The following EYS variants were observed in gnomAD, a reference collection of about 807,000 sequenced individuals.
EYS encodes the protein protein eyes shut homolog.
Under a neutral mutation model 282.1 loss-of-function variants are expected in EYS, and 250 were observed. The observed-to-expected ratio is 0.89, with a 90% CI of 0.80 to 0.98. The LOEUF is 0.98. EYS is among the 50% of genes least tolerant of loss of function. The pLI, the probability that EYS is intolerant of heterozygous loss-of-function variation, is 0.00. For missense variants in EYS, 4,016 were observed against 3,709.0 expected, an observed-to-expected ratio of 1.08 and a Z score of -2.15; for synonymous variants, 1,355 against 1,282.9, an observed-to-expected ratio of 1.06 and a Z score of -1.20.
intron 22 of EYS, among the ~76,000 whole-genome samples, chr6:64,725,948 C>G (rs1488152686): frequency 6.6e-6 from 1 of 152,132 alleles, no homozygotes; most frequent in Non-Finnish European, 1.5e-5. Flanking sequence ...AAACCCAAAA[C>G]CTTTATCACT....
chr6:64,554,226 C>T (rs1009030331), intron 26 of EYS, among the ~76,000 whole-genome samples: 4 of 151,992 alleles, frequency 2.6e-5, no homozygotes, highest in African/African-American at 9.7e-5. Flanking sequence ...AAACAACACC[C>T]TACTTATGAA....
At chr6:65,518,609 C>G (rs1291617192) in intron 2 of EYS, among the ~76,000 whole-genome samples, 1 of 151,974 alleles carries the variant, frequency 6.6e-6, no homozygotes, top group Non-Finnish European at 1.5e-5. Context: ...AGAATATAAA[C>G]CCCATGAGGG....
At chr6:65,145,919 C>A (rs61680343) in intron 12 of EYS, among the ~76,000 whole-genome samples, 1 of 151,462 alleles carries the variant, frequency 6.6e-6, no homozygotes, top group Non-Finnish European at 1.5e-5. Context: ...GTTTAAAAAA[C>A]GTTTTTACAT....
At chr6:65,513,081 G>C (rs541606116) in intron 2 of EYS, among the ~76,000 whole-genome samples, 5 of 152,176 alleles carry the variant, frequency 3.3e-5, no homozygotes, top group African/African-American at 1.2e-4. Flanking sequence ...GAATCAAATA[G>C]ATGCAATAAA....
At chr6:63,926,069 T>A (rs1269402925) in intron 35 of EYS, among the ~76,000 whole-genome samples, 2 of 152,112 alleles carry the variant, frequency 1.3e-5, no homozygotes, top group African/African-American at 4.8e-5. Context: ...CTCCCACTTA[T>A]GAGTGAGAAC....
chr6:64,028,829 A>C (rs1392587999), intron 33 of EYS, among the ~76,000 whole-genome samples: 1 of 152,156 alleles, frequency 6.6e-6, no homozygotes, highest in Non-Finnish European at 1.5e-5. Context: ...TGAACTTTCT[A>C]GCTAATCAAG....
intron 22 of EYS, among the ~76,000 whole-genome samples, chr6:64,720,949 CA>C (rs1195878909): frequency 6.6e-6 from 1 of 152,178 alleles, no homozygotes; most frequent in African/African-American, 2.4e-5. Flanking sequence ...TATTATTAAG[CA>C]TGTTTTGAGA....
intron 28 of EYS, among the ~76,000 whole-genome samples, chr6:64,421,860 G>GGTGT (rs58632994): frequency 7.2e-6 from 1 of 138,268 alleles, no homozygotes; most frequent in Non-Finnish European, 1.6e-5. Flanking sequence ...TTGTTTGGGG[G>GGTGT]GTGTGTGTGT....
At chr6:64,672,185 C>T (rs7738056) in intron 22 of EYS, among the ~76,000 whole-genome samples, 6,254 of 152,206 alleles carry the variant, frequency 0.041, 299 homozygotes, top group East Asian at 0.11. Flanking sequence ...AACTGATGCC[C>T]TAGTCTCTGA....
chr6:65,545,240 GTTT>G (rs66509470), intron 2 of EYS, among the ~76,000 whole-genome samples: 111,231 of 149,562 alleles, frequency 0.74, 41,744 homozygotes, highest in African/African-American at 0.87. Context: ...TTTTTATTCT[GTTT>G]TTTTTTTTTC....
intron 35 of EYS, among the ~76,000 whole-genome samples, chr6:63,877,732 C>T (rs1026104358): frequency 1.3e-5 from 2 of 152,158 alleles, no homozygotes; most frequent in Admixed American, 6.5e-5. Flanking sequence ...TCTTCAGTCG[C>T]TGTTACCCTT....
At chr6:65,117,798 T>C (rs1454380413) in intron 12 of EYS, among the ~76,000 whole-genome samples, 1 of 152,208 alleles carries the variant, frequency 6.6e-6, no homozygotes, top group Non-Finnish European at 1.5e-5. Flanking sequence ...GAATTAAATA[T>C]GTTATTAATG....
chr6:64,715,724 A>G (rs1326313033), intron 22 of EYS, among the ~76,000 whole-genome samples: 1 of 152,224 alleles, frequency 6.6e-6, no homozygotes, highest in Non-Finnish European at 1.5e-5. Context: ...CATGTCAAAA[A>G]TCCCAATGCT....
chr6:64,056,778 TG>T (rs1771000141), intron 33 of EYS, among the ~76,000 whole-genome samples: 1 of 152,170 alleles, frequency 6.6e-6, no homozygotes, highest in Non-Finnish European at 1.5e-5. Context: ...TGTACTTAGG[TG>T]TCTAACCAGC....
At chr6:64,913,243 A>T (rs995803515) in intron 15 of EYS, among the ~76,000 whole-genome samples, 8 of 152,100 alleles carry the variant, frequency 5.3e-5, no homozygotes, top group Non-Finnish European at 8.8e-5. Flanking sequence ...ATGCATTTTT[A>T]AAAATATATT....
chr6:63,985,459 C>A (rs540470787), intron 34 of EYS, among the ~76,000 whole-genome samples: 3 of 151,696 alleles, frequency 2.0e-5, no homozygotes, highest in Non-Finnish European at 4.4e-5. Context: ...GCAACCCTGA[C>A]AAACTAATGT....
intron 37 of EYS, among the ~76,000 whole-genome samples, chr6:63,800,201 T>A (rs1044350162): frequency 3.3e-5 from 5 of 152,346 alleles, no homozygotes; most frequent in Middle Eastern, 3.4e-3. Context: ...CTATTTATAT[T>A]CCAGATACGT....
At chr6:64,836,697 G>T (rs1314890107) in intron 19 of EYS, among the ~76,000 whole-genome samples, 1 of 151,568 alleles carries the variant, frequency 6.6e-6, no homozygotes, top group Non-Finnish European at 1.5e-5. Context: ...ATCTCGATTG[G>T]TCTGCAATTT....
intron 31 of EYS, among the ~76,000 whole-genome samples, chr6:64,148,995 C>T (rs1474713003): frequency 6.6e-6 from 1 of 152,126 alleles, no homozygotes; most frequent in Non-Finnish European, 1.5e-5. Context: ...AATGACAACT[C>T]TAATTATTGA....
Sources: allele counts gnomAD v4.1 joint callset (sites outside exome capture counted in the v4.1 genomes callset), GRCh38; gene constraint gnomAD v4.1.1; transcripts MANE v1.5; gene names NCBI Gene and HGNC (gene_info 2026-07-23, HGNC 2026-07-21).